The following FUT8 variants were observed in gnomAD, a reference collection of about 807,000 sequenced individuals.
The protein encoded by FUT8 is alpha-(1,6)-fucosyltransferase.
A neutral mutation model predicts 71.3 loss-of-function variants in FUT8; 29 were observed. That is an observed-to-expected ratio of 0.41 (90% confidence interval 0.30 to 0.55). FUT8 has a LOEUF of 0.55. FUT8 is among the 20% of genes least tolerant of loss of function. The probability of loss-of-function intolerance (pLI) is 0.34; values close to 1 mark genes in which losing one functional copy is unlikely to be tolerated. For missense variants in FUT8, 544 were observed against 702.1 expected (o/e 0.77, Z 2.55); for synonymous variants, 254 against 239.3 (o/e 1.06, Z -0.57).
the FUT8 span, among the ~76,000 whole-genome samples, chr14:65,372,570 C>T: frequency 1.3e-5 from 2 of 152,032 alleles, no homozygotes; most frequent in Non-Finnish European, 2.9e-5. Flanking sequence ...CGCCCACCAC[C>T]ATGCCCGGCT....
chr14:65,654,393 A>G (rs1891559996), intron 6 of FUT8, among the ~76,000 whole-genome samples: 1 of 152,188 alleles, frequency 6.6e-6, no homozygotes, highest in South Asian at 2.1e-4. Context: ...GTTGGAGACC[A>G]GCCTGACCAA....
At chr14:65,675,711 C>T (rs765151888) in intron 7 of FUT8, among the ~76,000 whole-genome samples, 4 of 152,038 alleles carry the variant, frequency 2.6e-5, no homozygotes, top group Non-Finnish European at 5.9e-5. Flanking sequence ...TAAGAGAGGC[C>T]GGGCGCGGTG....
chr14:65,656,828 G>T (rs908785794), intron 6 of FUT8, among the ~76,000 whole-genome samples: 4 of 152,100 alleles, frequency 2.6e-5, no homozygotes, highest in African/African-American at 9.7e-5. Flanking sequence ...AATGGAACAG[G>T]TGGAGAACCC....
the FUT8 span, among the ~76,000 whole-genome samples, chr14:65,399,339 T>C: frequency 1.1e-4 from 17 of 152,128 alleles, no homozygotes; most frequent in Non-Finnish European, 2.4e-4. Flanking sequence ...ATTTTTTGAA[T>C]AGTATTGCAT....
intron 1 of FUT8, among the ~76,000 whole-genome samples, chr14:65,432,393 CT>C (rs5809274): frequency 0.39 from 56,745 of 144,194 alleles, 11,357 homozygotes; most frequent in Admixed American, 0.46. Flanking sequence ...TTCTACTTTC[CT>C]TTTTTTTTTT....
At chr14:65,383,258 TTC>T in the FUT8 span, among the ~76,000 whole-genome samples, 2 of 139,094 alleles carry the variant, frequency 1.4e-5, no homozygotes, top group Non-Finnish European at 3.0e-5. Context: ...TTTTTTCTTT[TTC>T]TTTTCTTTTT....
At chr14:65,699,160 ACACACACACAC>A (rs1159172274) in intron 7 of FUT8, among the ~76,000 whole-genome samples, 16 of 127,652 alleles carry the variant, frequency 1.3e-4, no homozygotes, top group African/African-American at 5.1e-4. Flanking sequence ...ACACACACAC[ACACACACACAC>A]ACACACACAC....
intron 7 of FUT8, among the ~76,000 whole-genome samples, chr14:65,686,739 T>G (rs1365312861): frequency 6.6e-6 from 1 of 152,166 alleles, no homozygotes. Context: ...AGGGCAAATT[T>G]TATGTATCTG....
At chr14:65,398,309 G>C in the FUT8 span, among the ~76,000 whole-genome samples, 3 of 152,132 alleles carry the variant, frequency 2.0e-5, no homozygotes, top group Non-Finnish European at 4.4e-5. Context: ...ACCACACCCT[G>C]CTAATTTTAT....
At chr14:65,697,392 G>A (rs1167675340) in intron 7 of FUT8, among the ~76,000 whole-genome samples, 2 of 152,170 alleles carry the variant, frequency 1.3e-5, no homozygotes, top group African/African-American at 4.8e-5. Flanking sequence ...AGGAGGAAGT[G>A]TTCCGTAGTA....
At chr14:65,462,565 A>C (rs1202805570) in intron 2 of FUT8, among the ~76,000 whole-genome samples, 2 of 152,222 alleles carry the variant, frequency 1.3e-5, no homozygotes, top group African/African-American at 2.4e-5. Flanking sequence ...GAGGTGGAGC[A>C]TGGTGTTAGA....
chr14:65,473,100 A>G (rs962194275), intron 2 of FUT8, among the ~76,000 whole-genome samples: 29 of 151,846 alleles, frequency 1.9e-4, no homozygotes, highest in African/African-American at 6.3e-4. Flanking sequence ...TTCATACACA[A>G]TTTTTTTTAC....
chr14:65,514,567 C>G (rs376047173), intron 2 of FUT8, among the ~76,000 whole-genome samples: 1 of 152,200 alleles, frequency 6.6e-6, no homozygotes, highest in Non-Finnish European at 1.5e-5. Flanking sequence ...TCTTATCTAT[C>G]ATTGTTGACC....
chr14:65,627,361 G>C lies in FUT8; in HGVS notation c.483-2131G>C, dbSNP rs576360547. On this transcript the variant is annotated intron_variant, in intron 5 of 10. Transcript: ENST00000673929. This position sits in a 1 kb window ranked among gnomAD's most constrained non-coding sequence, Gnocchi z 4.0. The stretch of plus-strand genomic sequence containing the variant: ...CAGGGGAACATAAGGCAGAGTGAGA[G>C]ATCAAGGCAAGTTTTAGAACAGGCA... Among the ~76,000 whole-genome samples the C allele has an allele frequency of 6.6e-6, 1 of 152,314 alleles. No individual in the cohort carries two copies. The highest frequency in any genetic ancestry group is 6.5e-5 in the Admixed American group (1 of 15,300).
intron 6 of FUT8, among the ~76,000 whole-genome samples, chr14:65,637,219 A>T (rs905825883): frequency 1.6e-4 from 24 of 152,212 alleles, no homozygotes; most frequent in African/African-American, 4.8e-4. Context: ...TCCACATTTT[A>T]CCATAATATA....
At chr14:65,361,917 T>C in the FUT8 span, among the ~76,000 whole-genome samples, 1 of 152,236 alleles carries the variant, frequency 6.6e-6, no homozygotes, top group Non-Finnish European at 1.5e-5. Context: ...GGGAATGTTG[T>C]GGTAGATCCT....
At chr14:65,447,430 T>C (rs889343117) in intron 1 of FUT8, among the ~76,000 whole-genome samples, 12 of 152,114 alleles carry the variant, frequency 7.9e-5, no homozygotes, top group Non-Finnish European at 1.3e-4. Flanking sequence ...TGAAGAGTTA[T>C]AGGAAAATAC....
At chr14:65,564,608 G>A (rs753554661) in intron 3 of FUT8, among the ~76,000 whole-genome samples, 3 of 151,880 alleles carry the variant, frequency 2.0e-5, no homozygotes, top group South Asian at 2.1e-4. Context: ...ATACAGTCAC[G>A]TAACCATCAC....
chr14:65,533,234 C>T (rs1255120370), intron 2 of FUT8, among the ~76,000 whole-genome samples: 1 of 152,084 alleles, frequency 6.6e-6, no homozygotes, highest in African/African-American at 2.4e-5. Context: ...TTGTAAATTG[C>T]TCTGGGCAGT....
Sources: allele counts gnomAD v4.1 joint callset (sites outside exome capture counted in the v4.1 genomes callset), GRCh38; gene constraint gnomAD v4.1.1; non-coding constraint Gnocchi (gnomAD v3.1); transcripts MANE v1.5; gene names NCBI Gene and HGNC (gene_info 2026-07-23, HGNC 2026-07-21).